Variants in APOBEC3F observed in about 807,000 individuals in gnomAD.
APOBEC3F encodes DNA dC->dU-editing enzyme APOBEC-3F.
In APOBEC3F, 34 loss-of-function variants were observed where a neutral mutation model predicts 45.8. That is an observed-to-expected ratio of 0.74 (90% CI 0.57 to 0.99). APOBEC3F has a LOEUF of 0.99. Among genes scored for constraint, APOBEC3F ranks in the 50% least tolerant of loss-of-function variants. The pLI, the probability that APOBEC3F is intolerant of heterozygous loss-of-function variation, is 0.00. For missense variants in APOBEC3F, 459 were observed against 474.1 expected, an observed-to-expected ratio of 0.97 and a Z score of 0.30; for synonymous variants, 192 against 174.4, an observed-to-expected ratio of 1.10 and a Z score of -0.80.
At chr22:39,051,069 A>C (rs1471982704) in intron 5 of APOBEC3F, among the ~76,000 whole-genome samples, 1 of 151,792 alleles carries the variant, frequency 6.6e-6, no homozygotes, top group African/African-American at 2.4e-5. Flanking sequence ...AAATCCCATC[A>C]CTACTAAAAC....
At chr22:39,050,006 T>A (rs1372935008) in intron 5 of APOBEC3F, among the ~76,000 whole-genome samples, 9 of 151,070 alleles carry the variant, frequency 6.0e-5, no homozygotes, top group Non-Finnish European at 1.2e-4. Flanking sequence ...CCCAACTTCC[T>A]CCCACATTTT....
At position 39,054,749 on chromosome 22, in the gene APOBEC3F, T is replaced by G. The variant is rs190159913; in HGVS notation, c.*2054T>G. ...AATGAAATGTGAAATTTAGAGGCCC[T>G]TCTCCACACTTTAAATTTGACTTGA... is the stretch of plus-strand genomic sequence containing the variant. On this transcript the variant is annotated 3_prime_UTR_variant, in exon 7 of 7. Coordinates refer to ENST00000308521, the MANE Select transcript of APOBEC3F (RefSeq NM_145298.6). Among the ~76,000 whole-genome samples the G allele has an allele frequency of 4.6e-5, 7 of 152,364 alleles. No individual in the cohort carries two copies. Among genetic ancestry groups the G allele is most frequent in the Admixed American group, 3.9e-4 (6 of 15,300 alleles).
chr22:39,051,836 C>A (rs1927501969), intron 5 of APOBEC3F, among the ~76,000 whole-genome samples: 1 of 152,164 alleles, frequency 6.6e-6, no homozygotes, highest in Non-Finnish European at 1.5e-5. Context: ...CACCTGCAGT[C>A]CCAGCTAATC....
chr22:39,049,618 C>G (rs1569072481), intron 5 of APOBEC3F, 37 bp downstream of exon 5: 1 of 1,607,406 alleles, frequency 6.2e-7, no homozygotes, highest in Non-Finnish European at 8.5e-7. Flanking sequence ...CAAATAGGAG[C>G]TAAGCAGCTA....
At chr22:39,041,228 C>T (rs1326539070) in intron 1 of APOBEC3F, among the ~76,000 whole-genome samples, 5 of 151,826 alleles carry the variant, frequency 3.3e-5, no homozygotes, top group Non-Finnish European at 5.9e-5. Flanking sequence ...TCCCCCGCCA[C>T]CGAAAGTCAT....
intron 4 of APOBEC3F, among the ~76,000 whole-genome samples, chr22:39,048,160 G>C (rs1233565424): frequency 6.6e-6 from 1 of 152,214 alleles, no homozygotes; most frequent in Non-Finnish European, 1.5e-5. Context: ...AGTAAGAAGA[G>C]AGTCCGGTTC....
At chr22:39,044,374 G>A in intron 2 of APOBEC3F, 2 of 1,387,760 alleles carry the variant, frequency 1.4e-6, no homozygotes, top group Non-Finnish European at 1.9e-6. Context: ...TGCTTCAACA[G>A]CAGGACTGAG....
chr22:39,041,732 G>A (rs1030224573), intron 1 of APOBEC3F, among the ~76,000 whole-genome samples: 26 of 151,886 alleles, frequency 1.7e-4, no homozygotes, highest in Non-Finnish European at 4.4e-5. Context: ...GTGTGGTGGC[G>A]GGCGCCTATA....
chr22:39,047,118 C>G (rs1927261645), intron 4 of APOBEC3F, among the ~76,000 whole-genome samples: 1 of 152,090 alleles, frequency 6.6e-6, no homozygotes, highest in African/African-American at 2.4e-5. Context: ...GGAAGGAGCT[C>G]AGTGTGGGGG....
At chr22:39,045,646 G>T (rs748205430) in intron 4 of APOBEC3F, 104 bp downstream of exon 4, 3 of 1,573,486 alleles carry the variant, frequency 1.9e-6, no homozygotes, top group Admixed American at 1.7e-5. Flanking sequence ...CCTGCCCCCT[G>T]CCTGCCCTCA....
intron 2 of APOBEC3F, chr22:39,044,197 A>C (rs1927081328): frequency 6.2e-7 from 1 of 1,610,672 alleles, no homozygotes; most frequent in African/African-American, 1.3e-5. Flanking sequence ...GACCGCAGGC[A>C]GGGAACAAGG....
chr22:39,052,023 C>G (rs1244785883), intron 5 of APOBEC3F, 51 bp from the exon 6 acceptor site: 17 of 1,603,772 alleles, frequency 1.1e-5, no homozygotes, highest in Non-Finnish European at 1.4e-5. Flanking sequence ...CCCCTGCACT[C>G]CTCCTGCTCC....
rs6001400 is a variant in APOBEC3F at position 39,047,188 on chromosome 22, A to G, written c.566+1646A>G. 1.3e-3 allele frequency among the ~76,000 whole-genome samples: 203 copies of G among 152,170 alleles called. 3 individuals carry two copies. Among genetic ancestry groups the G allele is most frequent in the South Asian group, 8.3e-3 (40 of 4,820 alleles). On this transcript the variant is annotated intron_variant, in intron 4 of 6. Coordinates refer to ENST00000308521, the MANE Select transcript of APOBEC3F (RefSeq NM_145298.6). ...CCCCCACCCGCTATTCCTCCCTCCA[A>G]TGGTGGCCTTTGAATGTGAAGGCAA...
At chr22:39,045,379 G>A in intron 3 of APOBEC3F, 49 bp from the exon 4 acceptor site, 1 of 1,613,614 alleles carries the variant, frequency 6.2e-7, no homozygotes, top group Non-Finnish European at 8.5e-7. Flanking sequence ...TGGGAGCGCG[G>A]GCCCAGGGTC....
At chr22:39,050,976 C>T (rs1187200277) in intron 5 of APOBEC3F, among the ~76,000 whole-genome samples, 5 of 152,332 alleles carry the variant, frequency 3.3e-5, no homozygotes, top group East Asian at 1.9e-4. Context: ...CAGTGGCTCA[C>T]GCCTGTAATC....
rs765637778 is a variant in APOBEC3F at position 39,042,300 on chromosome 22, TTCTC to T, written c.18-629_18-626del. ...TATTATTTTGGGGTGAATAGTTTTA[TTCTC>T]TCTCTCTTTTTTTTTTTTTTTTTTG... On this transcript the variant is annotated intron_variant, in intron 1 of 6. Coordinates refer to ENST00000308521, the MANE Select transcript of APOBEC3F (RefSeq NM_145298.6). Among the ~76,000 whole-genome samples, 71 of 140,856 alleles carry T rather than the reference TTCTC, an allele frequency of 5.0e-4. 5 individuals are homozygous for T. The highest frequency in any genetic ancestry group is 2.9e-3 in the South Asian group (12 of 4,154). 92.4% of individuals were successfully genotyped at this position (140,856 alleles called of 152,430 possible).
intron 4 of APOBEC3F, among the ~76,000 whole-genome samples, chr22:39,047,137 G>A (rs953218768): frequency 1.8e-4 from 27 of 152,082 alleles, no homozygotes; most frequent in African/African-American, 5.1e-4. Context: ...GGCACGCATG[G>A]CATCCTGGGG....
rs775088222 is a variant in APOBEC3F, at chr22:39,045,067, G to A, written c.298G>A (p.Val100Met). ...FVSWTPCPDC[V>M]AKLAEFLAEH... is the part of the protein sequence containing the mutation. ...ATCCTGGACCCCCTGCCCGGACTGT[G>A]TGGCGAAGCTGGCCGAATTCCTGGC... Residue 100 changes from valine (V) to methionine (M), a missense_variant, in exon 3 of 7, where the codon GTG (valine) becomes ATG (methionine). Transcript: ENST00000308521. 92 of 1,613,832 alleles carry A rather than the reference G, an allele frequency of 5.7e-5. No homozygotes were observed. The Middle Eastern group carries it at 2.8e-3, about 49-fold the overall frequency.
At chr22:39,044,062 G>C (rs1480268770) in intron 2 of APOBEC3F, 7 of 1,515,474 alleles carry the variant, frequency 4.6e-6, no homozygotes, top group Middle Eastern at 1.7e-4. Context: ...ATAAATGAGC[G>C]GTGTATGGTG....
Sources: allele counts gnomAD v4.1 joint callset (sites outside exome capture counted in the v4.1 genomes callset), GRCh38; gene constraint gnomAD v4.1.1; transcripts MANE v1.5; gene names NCBI Gene and HGNC (gene_info 2026-07-23, HGNC 2026-07-21).